Variants in AGBL4 observed in about 807,000 individuals in gnomAD.
AGBL4 encodes the protein cytosolic carboxypeptidase 6.
In AGBL4, 58 loss-of-function variants were observed where a neutral mutation model predicts 66.4. The observed-to-expected ratio is 0.87, with a 90% CI of 0.71 to 1.09. AGBL4 has a LOEUF of 1.09. Among genes scored for constraint, AGBL4 ranks in the 50% least tolerant of loss-of-function variants. The probability of loss-of-function intolerance (pLI) is 0.00; values close to 1 mark genes in which losing one functional copy is unlikely to be tolerated. For missense variants in AGBL4, 579 were observed against 631.0 expected (o/e 0.92, Z 0.88); for synonymous variants, 234 against 222.9 (o/e 1.05, Z -0.44).
At chr1:48,664,030 C>T (rs1646147391) in intron 6 of AGBL4, among the ~76,000 whole-genome samples, 1 of 152,114 alleles carries the variant, frequency 6.6e-6, no homozygotes, top group African/African-American at 2.4e-5. Flanking sequence ...AGAGCCAATG[C>T]AAGATAATCA....
At chr1:49,285,933 C>A (rs1307145875) in intron 3 of AGBL4, among the ~76,000 whole-genome samples, 1 of 152,182 alleles carries the variant, frequency 6.6e-6, no homozygotes, top group East Asian at 1.9e-4. Flanking sequence ...ACACCAATAT[C>A]CTTGATGAAC....
intron 6 of AGBL4, among the ~76,000 whole-genome samples, chr1:48,819,817 G>A (rs141411023): frequency 4.6e-5 from 7 of 152,282 alleles, no homozygotes; most frequent in Non-Finnish European, 8.8e-5. Flanking sequence ...TTGCCAATAG[G>A]TGGTCCAGCT....
intron 1 of AGBL4, among the ~76,000 whole-genome samples, chr1:49,964,601 T>C (rs1282052193): frequency 6.6e-6 from 1 of 152,164 alleles, no homozygotes; most frequent in Non-Finnish European, 1.5e-5. Flanking sequence ...GATACTGTAA[T>C]ATTCATTTAT....
intron 8 of AGBL4, among the ~76,000 whole-genome samples, chr1:48,647,953 C>T (rs1397945560): frequency 2.0e-5 from 3 of 152,206 alleles, no homozygotes; most frequent in Non-Finnish European, 4.4e-5. Context: ...TTACAATATT[C>T]ATCCCTCAAG....
chr1:48,707,710 T>A (rs1324592095), intron 6 of AGBL4, among the ~76,000 whole-genome samples: 7 of 152,122 alleles, frequency 4.6e-5, no homozygotes, highest in Non-Finnish European at 1.0e-4. Flanking sequence ...CAGCGGCTGA[T>A]GGGAACTGCC....
intron 3 of AGBL4, among the ~76,000 whole-genome samples, chr1:49,544,122 T>A (rs1013186187): frequency 6.6e-6 from 1 of 152,218 alleles, no homozygotes; most frequent in African/African-American, 2.4e-5. Context: ...CCGTTTTCAC[T>A]GTTTTTCAGG....
chr1:49,618,075 A>C (rs558539016), intron 3 of AGBL4, among the ~76,000 whole-genome samples: 2 of 151,260 alleles, frequency 1.3e-5, no homozygotes, highest in African/African-American at 4.9e-5. Context: ...TCGTTGTTCA[A>C]CTCCCACTTA....
chr1:49,475,019 C>T (rs1646819265), intron 3 of AGBL4, among the ~76,000 whole-genome samples: 1 of 151,898 alleles, frequency 6.6e-6, no homozygotes, highest in African/African-American at 2.4e-5. Flanking sequence ...TGTTCCAGTT[C>T]TTAGGAGAAA....
chr1:49,030,313 A>T (rs1242608690), intron 5 of AGBL4, among the ~76,000 whole-genome samples: 1 of 152,154 alleles, frequency 6.6e-6, no homozygotes, highest in East Asian at 1.9e-4. Flanking sequence ...TGCCATGTGG[A>T]TATAACAAGA....
At position 48,622,098 on chromosome 1, in the gene AGBL4, T is replaced by G. The variant is rs1212278430; in HGVS notation, c.951+12395A>C. Among the ~76,000 whole-genome samples, 3 of 152,232 alleles carry G rather than the reference T, an allele frequency of 2.0e-5. No individual in the cohort carries two copies. The East Asian group carries it at 5.8e-4, about 29-fold the overall frequency. On this transcript the variant is annotated intron_variant, in intron 9 of 13. Transcript: ENST00000371839. ...TCTCTGCCTGCCACCCAGCCTTGCC[T>G]CCTGCCCCTTCTCCACATGCTCTCC...
chr1:49,548,010 G>A (rs1048606656), intron 3 of AGBL4, among the ~76,000 whole-genome samples: 3 of 152,082 alleles, frequency 2.0e-5, no homozygotes, highest in Non-Finnish European at 4.4e-5. Context: ...CTGACCTTGT[G>A]ATCCGCCTGC....
chr1:49,487,165 T>C (rs936408441), intron 3 of AGBL4, among the ~76,000 whole-genome samples: 1 of 151,992 alleles, frequency 6.6e-6, no homozygotes, highest in African/African-American at 2.4e-5. Context: ...CATTATGCTA[T>C]TGAGTTTTAC....
In AGBL4 at chr1:49,540,559, T is replaced by C. The variant is rs1308636327; in HGVS notation, c.282+156754A>G. 2.0e-5 allele frequency among the ~76,000 whole-genome samples: 3 copies of C among 152,162 alleles called. No individual in the cohort carries two copies. The East Asian group carries it at 5.8e-4, about 29-fold the overall frequency. The stretch of plus-strand genomic sequence containing the variant: ...TATGGTCAAGCATATAGTGGGTGCT[T>C]AATAAATGTTTGTTAAAAGCATAAC... On this transcript the variant is annotated intron_variant, in intron 3 of 13. Transcript: ENST00000371839.
intron 5 of AGBL4, among the ~76,000 whole-genome samples, chr1:48,983,688 G>A (rs1380225662): frequency 1.3e-5 from 2 of 152,134 alleles, no homozygotes; most frequent in African/African-American, 4.8e-5. Flanking sequence ...TTGGGTTCTG[G>A]TCATGGTTCA....
chr1:49,079,784 A>G (rs1644775870), intron 4 of AGBL4, among the ~76,000 whole-genome samples: 1 of 152,046 alleles, frequency 6.6e-6, no homozygotes, highest in African/African-American at 2.4e-5. Flanking sequence ...ATCTAGTCTG[A>G]TTTTTCATTT....
At chr1:48,590,788 G>C in intron 10 of AGBL4, 45 bp downstream of exon 10, 4 of 1,550,410 alleles carry the variant, frequency 2.6e-6, no homozygotes, top group African/African-American at 1.4e-5. Context: ...CGGGGAGGCA[G>C]GGTGTGGGGG....
chr1:49,938,301 A>C lies in AGBL4; in HGVS notation c.34+85462T>G, dbSNP rs1439072322. On this transcript the variant is annotated intron_variant, in intron 1 of 13. Transcript: ENST00000371839. ...CCCTCCCAAGACTAAACCAGGAAGA[A>C]GTTGAATCCCTGAATAGACCAATAA... Among the ~76,000 whole-genome samples, 8 of 152,320 alleles carry C rather than the reference A, an allele frequency of 5.3e-5. No individual in the cohort carries two copies. The East Asian group carries it at 1.5e-3, about 29-fold the overall frequency.
rs148489442 is a variant in AGBL4 at position 48,647,232 on chromosome 1, T to A, written c.839+6105A>T. Reference sequence around the variant, plus strand: ...CGCAGAATCATTTCTGTACCACCCATAGAGGTCCGTTCCTCCCCACCCCAC... The same window carrying A: ...CGCAGAATCATTTCTGTACCACCCAAAGAGGTCCGTTCCTCCCCACCCCAC... On this transcript the variant is annotated intron_variant, in intron 8 of 13. Transcript: ENST00000371839. Among the ~76,000 whole-genome samples the A allele has an allele frequency of 2.0e-5, 3 of 152,272 alleles. No homozygotes were observed. In the East Asian group the frequency reaches 5.8e-4, roughly 29 times the overall value.
At chr1:48,621,798 T>C (rs1329933582) in intron 9 of AGBL4, among the ~76,000 whole-genome samples, 1 of 152,124 alleles carries the variant, frequency 6.6e-6, no homozygotes, top group Non-Finnish European at 1.5e-5. Flanking sequence ...TTTTCACTAT[T>C]TTTAAATAAT....
Sources: allele counts gnomAD v4.1 joint callset (sites outside exome capture counted in the v4.1 genomes callset), GRCh38; gene constraint gnomAD v4.1.1; transcripts MANE v1.5; gene names NCBI Gene and HGNC (gene_info 2026-07-23, HGNC 2026-07-21).